Variants in ATP6V0D1 observed in about 807,000 individuals in gnomAD.
ATP6V0D1 encodes the protein V-type proton ATPase subunit d 1.
A neutral mutation model predicts 39.0 loss-of-function variants in ATP6V0D1; 13 were observed. The ratio of observed to expected loss-of-function variants is 0.33; its 90% CI spans 0.22 to 0.53. The LOEUF is 0.53. Among genes scored for constraint, ATP6V0D1 ranks in the 20% least tolerant of loss-of-function variants. ATP6V0D1 has a pLI of 0.94. For missense variants in ATP6V0D1, 272 were observed against 470.9 expected (o/e 0.58, Z 3.91); for synonymous variants, 191 against 191.2 (o/e 1.00, Z 0.01).
Position 67,443,323 on chromosome 16 carries a change from T to C in ATP6V0D1, c.482-145A>G, listed in dbSNP as rs2041076027. 8.7e-6 allele frequency: 6 copies of C among 687,288 alleles called. No homozygotes were observed. In the Admixed American group the frequency reaches 1.3e-4, roughly 15 times the overall value. The allele number at this position is 687,288 out of a possible 1,614,324, so 42.6% of individuals were successfully genotyped here. On this transcript the variant is annotated intron_variant, in intron 3 of 7. Transcript: ENST00000290949. ...GGGTCCCCAGCCTAGGCTGTTGCCT[T>C]GGAAGTGGCAGAAGCAATGCTCTGG...
At chr16:67,467,790 C>T (rs1567541667) in intron 1 of ATP6V0D1, among the ~76,000 whole-genome samples, 1 of 152,200 alleles carries the variant, frequency 6.6e-6, no homozygotes, top group Non-Finnish European at 1.5e-5. Flanking sequence ...ACAGTCATAT[C>T]ATGTCCTTGC....
intron 1 of ATP6V0D1, among the ~76,000 whole-genome samples, chr16:67,479,617 G>GC (rs2041446942): frequency 6.6e-6 from 1 of 152,168 alleles, no homozygotes. Flanking sequence ...GGTCCAGTTT[G>GC]CAAGGCAAAC....
intron 1 of ATP6V0D1, among the ~76,000 whole-genome samples, chr16:67,475,545 C>G (rs2041407866): frequency 6.6e-6 from 1 of 152,174 alleles, no homozygotes; most frequent in Non-Finnish European, 1.5e-5. Context: ...CACTAGCTCA[C>G]ATGGAAGCTG....
chr16:67,464,628 G>A (rs928840593), intron 1 of ATP6V0D1, among the ~76,000 whole-genome samples: 2 of 152,232 alleles, frequency 1.3e-5, no homozygotes, highest in East Asian at 1.9e-4. Context: ...AGACCCTGGG[G>A]CTGTGGAGCC....
intron 1 of ATP6V0D1, among the ~76,000 whole-genome samples, chr16:67,468,667 T>C (rs1231125483): frequency 6.6e-6 from 1 of 151,826 alleles, no homozygotes; most frequent in East Asian, 1.9e-4. Context: ...ATGAGACTAA[T>C]ATATTCCAGA....
chr16:67,475,141 C>G (rs1476783279), intron 1 of ATP6V0D1, among the ~76,000 whole-genome samples: 1 of 152,082 alleles, frequency 6.6e-6, no homozygotes. Flanking sequence ...GTTTTACTAT[C>G]CCATCCGCTG....
chr16:67,478,626 A>G (rs2041436613), intron 1 of ATP6V0D1, among the ~76,000 whole-genome samples: 1 of 151,184 alleles, frequency 6.6e-6, no homozygotes, highest in African/African-American at 2.4e-5. Context: ...AAAAAAAAAA[A>G]AAAAAGAAAG....
At chr16:67,443,313 G>A in intron 3 of ATP6V0D1, 135 bp from the exon 4 acceptor site, 2 of 773,100 alleles carry the variant, frequency 2.6e-6, no homozygotes, top group Non-Finnish European at 4.3e-6. Flanking sequence ...CCCAGCCTAG[G>A]CTGTTGCCTT....
chr16:67,475,996 G>A (rs889696023), intron 1 of ATP6V0D1, among the ~76,000 whole-genome samples: 1 of 152,162 alleles, frequency 6.6e-6, no homozygotes, highest in African/African-American at 2.4e-5. Context: ...TTGGGAGGCC[G>A]AGGTGGGTGG....
At chr16:67,465,383 T>G (rs1050850273) in intron 1 of ATP6V0D1, among the ~76,000 whole-genome samples, 1 of 152,116 alleles carries the variant, frequency 6.6e-6, no homozygotes, top group African/African-American at 2.4e-5. Context: ...CCAAATGAGG[T>G]TGAGGAGAGA....
At chr16:67,457,095 C>G (rs1285798460) in intron 1 of ATP6V0D1, 2 of 154,350 alleles carry the variant, frequency 1.3e-5, no homozygotes, top group Non-Finnish European at 2.9e-5. Context: ...TATCCAACAC[C>G]TGGGACTGGC....
At chr16:67,455,682 G>A (rs776967083) in intron 1 of ATP6V0D1, 3 of 152,206 alleles carry the variant, frequency 2.0e-5, no homozygotes, top group Non-Finnish European at 2.9e-5. Flanking sequence ...CTTTTTGCCT[G>A]GGAAATGTGC....
intron 1 of ATP6V0D1, among the ~76,000 whole-genome samples, chr16:67,467,656 G>A (rs771214329): frequency 9.9e-5 from 15 of 152,216 alleles, no homozygotes; most frequent in Non-Finnish European, 2.2e-4. Flanking sequence ...GCATCACACA[G>A]CTGTCCGGAA....
At position 67,447,042 on chromosome 16, in the gene ATP6V0D1, T is replaced by C. The variant is rs2041125031; in HGVS notation, c.303-2336A>G. Among the ~76,000 whole-genome samples the C allele has an allele frequency of 6.6e-6, 1 of 152,136 alleles. No individual in the cohort carries two copies. The highest frequency in any genetic ancestry group is 2.1e-4 in the South Asian group (1 of 4,826). On this transcript the variant is annotated intron_variant, in intron 2 of 7. Coordinates refer to ENST00000290949, the MANE Select transcript of ATP6V0D1 (RefSeq NM_004691.5). The surrounding 1 kb of genome is among the most constrained non-coding windows in gnomAD (Gnocchi z 4.1). ...GCTCTACATACCCCACCTAGTCTCA[T>C]TTTCTCAGAGGGATCCCCACCAGCC...
At chr16:67,468,535 T>A (rs2041348238) in intron 1 of ATP6V0D1, among the ~76,000 whole-genome samples, 1 of 147,766 alleles carries the variant, frequency 6.8e-6, no homozygotes, top group African/African-American at 2.5e-5. Flanking sequence ...CTGCGGTGAG[T>A]TGTGTTTGGG....
At chr16:67,477,523 T>G (rs1377382300) in intron 1 of ATP6V0D1, among the ~76,000 whole-genome samples, 1 of 151,918 alleles carries the variant, frequency 6.6e-6, no homozygotes, top group Non-Finnish European at 1.5e-5. Flanking sequence ...AATTTGGGAG[T>G]GGGGGTATAA....
chr16:67,457,190 A>G (rs1025660331), intron 1 of ATP6V0D1: 3 of 231,176 alleles, frequency 1.3e-5, no homozygotes, highest in African/African-American at 2.3e-5. Flanking sequence ...CGGTGTACTC[A>G]TCCCCATGCC....
chr16:67,442,895 G>A (rs1191474016), intron 4 of ATP6V0D1, among the ~76,000 whole-genome samples: 1 of 152,154 alleles, frequency 6.6e-6, no homozygotes, highest in African/African-American at 2.4e-5. Flanking sequence ...ATCTGAGCCC[G>A]TCACAGGCAC....
chr16:67,480,618 C>T (rs1251020958), intron 1 of ATP6V0D1, among the ~76,000 whole-genome samples: 1 of 152,124 alleles, frequency 6.6e-6, no homozygotes, highest in African/African-American at 2.4e-5. Flanking sequence ...AGCTCTCGGG[C>T]TACGTCAGGG....
Sources: gnomAD v4.1 joint callset for allele counts (sites outside exome capture counted in the v4.1 genomes callset) on GRCh38, gnomAD v4.1.1 for gene constraint, Gnocchi (gnomAD v3.1) non-coding constraint, MANE v1.5 for transcripts, NCBI Gene and HGNC (gene_info 2026-07-23, HGNC 2026-07-21) for gene names.